The following KLHL38 variants were observed in gnomAD, a reference collection of about 807,000 sequenced individuals.
The protein encoded by KLHL38 is kelch-like protein 38.
KLHL38 carries 38 observed loss-of-function variants against 39.6 expected under a neutral mutation model. That is an observed-to-expected ratio of 0.96 (90% confidence interval 0.74 to 1.26). The LOEUF (loss-of-function observed/expected upper bound fraction) is 1.26, where lower values mean the gene tolerates loss of function less well. Among genes scored for constraint, KLHL38 ranks in the 50% most tolerant of loss-of-function variants. The pLI is 0.00. For missense variants in KLHL38, 803 were observed against 748.1 expected, an observed-to-expected ratio of 1.07 and a Z score of -0.86; for synonymous variants, 322 against 302.2, an observed-to-expected ratio of 1.07 and a Z score of -0.68.
At chr8:123,651,448 A>G in intron 2 of KLHL38, 129 bp downstream of exon 2, 1 of 945,304 alleles carries the variant, frequency 1.1e-6, no homozygotes, top group South Asian at 1.6e-5. Flanking sequence ...GTGTGCATAT[A>G]TATATTTATG....
chr8:123,652,217 G>C lies in KLHL38; in HGVS notation c.710C>G (p.Ala237Gly), dbSNP rs370283775. 4 of 1,614,188 alleles carry C rather than the reference G, an allele frequency of 2.5e-6. No individual in the cohort carries two copies. Residue 237 changes from alanine to glycine, a missense_variant, in exon 2 of 4, where the codon GCC becomes GGC. Physicochemically the swap from Ala to Gly is moderately conservative, Grantham distance 60. Coordinates refer to ENST00000684634, the MANE Select transcript of KLHL38 (RefSeq NM_001081675.3). ...CGAGGACTGCAGGAGGGCATCGTTG[G>C]CGATGAAGTGGTGAAAGAAGGCTGG... The part of the protein sequence containing the change: ...IHPAFFHHFI[A>G]NDALLQSSPA...
In KLHL38 at chr8:123,652,201, C is replaced by A. The variant is rs778558685; in HGVS notation, c.726G>T (p.Leu242=). The A allele has an allele frequency of 6.2e-7, 1 of 1,614,206 alleles. No homozygotes were observed. The highest frequency in any genetic ancestry group is 1.1e-5 in the South Asian group (1 of 91,084). ...TGATCTGGCATGCAGGCGAGGACTG[C>A]AGGAGGGCATCGTTGGCGATGAAGT... The part of the protein sequence containing the change: ...FHHFIANDAL[L]QSSPACQIIL... Residue 242 remains leucine (L), a synonymous_variant, in exon 2 of 4, where the codon CTG becomes CTT. Coordinates refer to ENST00000684634, the MANE Select transcript of KLHL38 (RefSeq NM_001081675.3).
Position 123,652,165 on chromosome 8 carries a change from G to C in KLHL38, c.762C>G (p.Thr254=), listed in dbSNP as rs373627238. The C allele has an allele frequency of 1.2e-6, 2 of 1,614,206 alleles. No homozygotes were observed. The change falls in exon 2 of 4, where the codon ACC becomes ACG. Residue 254 remains threonine, a synonymous_variant. Transcript: ENST00000684634. ...ACAAAGAGAACATCTGTCTCTTGGC[G>C]GTCTCCAAGATGATCTGGCATGCAG... ...SSPACQIILE[T]AKRQMFSLCG... is the part of the protein sequence containing the mutation.
At chr8:123,646,079 G>A in intron 3 of KLHL38, 51 bp from the exon 4 acceptor site, 1 of 1,540,484 alleles carries the variant, frequency 6.5e-7, no homozygotes, top group South Asian at 1.1e-5. Flanking sequence ...ATCTGGGACT[G>A]GAGGTCAGCA....
intron 3 of KLHL38, among the ~76,000 whole-genome samples, chr8:123,646,652 C>T (rs542560347): frequency 5.1e-4 from 78 of 152,270 alleles, no homozygotes; most frequent in Middle Eastern, 3.4e-3. Context: ...GTGCTAAGTG[C>T]TTTAGATACA....
At chr8:123,647,663 A>G (rs150181923) in intron 2 of KLHL38, among the ~76,000 whole-genome samples, 14 of 152,372 alleles carry the variant, frequency 9.2e-5, no homozygotes, top group African/African-American at 3.1e-4. Context: ...TTAGTTCATT[A>G]TGGGCAAAAT....
chr8:123,645,893 AGCC>A lies in KLHL38; in HGVS notation c.1589_1591del (p.Arg530del), dbSNP rs1477493956. 2.5e-6 allele frequency: 4 copies of A among 1,614,084 alleles called. No individual in the cohort carries two copies. The highest frequency in any genetic ancestry group is 1.7e-5 in the Admixed American group (1 of 60,004). ...GTCCTCAATGTTGCAGTCCGTGGTC[AGCC>A]GCCGCCCGCCCGTCACGTAGAGTTT... is the stretch of plus-strand genomic sequence containing the variant. On this transcript the variant is annotated inframe_deletion, in exon 4 of 4. Coordinates refer to ENST00000684634, the MANE Select transcript of KLHL38 (RefSeq NM_001081675.3).
Position 123,645,055 on chromosome 8 carries a change from A to AGAGAGAGG in KLHL38, c.*683_*684insCCTCTCTC, listed in dbSNP as rs112968111. ...GAGACTGAGAGAGAGAGAGAGAGAG[A>AGAGAGAGG]GGGGCAGAGAGAGGCAGAGAGACAG... On this transcript the variant is annotated 3_prime_UTR_variant, in exon 4 of 4. Coordinates refer to ENST00000684634, the MANE Select transcript of KLHL38 (RefSeq NM_001081675.3). Among the ~76,000 whole-genome samples, 22 of 149,662 alleles carry AGAGAGAGG rather than the reference A, an allele frequency of 1.5e-4. No homozygotes were observed. The South Asian group carries it at 1.9e-3, about 13-fold the overall frequency.
At chr8:123,650,987 C>T (rs1812631407) in intron 2 of KLHL38, among the ~76,000 whole-genome samples, 1 of 152,176 alleles carries the variant, frequency 6.6e-6, no homozygotes, top group African/African-American at 2.4e-5. Flanking sequence ...TGTATAATAA[C>T]TTGAATTTTT....
At chr8:123,648,732 C>T (rs1812573344) in intron 2 of KLHL38, among the ~76,000 whole-genome samples, 1 of 152,148 alleles carries the variant, frequency 6.6e-6, no homozygotes, top group Non-Finnish European at 1.5e-5. Context: ...TTGCTTAATG[C>T]CATCCAGAAA....
At position 123,652,227 on chromosome 8, in the gene KLHL38, G is replaced by A. The variant is rs764060753; in HGVS notation, c.700C>T (p.His234Tyr). The A allele has an allele frequency of 1.1e-5, 18 of 1,614,060 alleles. No homozygotes were observed. The highest frequency in any genetic ancestry group is 1.5e-5 in the Non-Finnish European group (18 of 1,180,040). The stretch of plus-strand genomic sequence containing the variant: ...AGGAGGGCATCGTTGGCGATGAAGT[G>A]GTGAAAGAAGGCTGGGTGGATGTAC... ...LQYIHPAFFHHFIANDALLQS... is the reference protein window; with the variant it reads ...LQYIHPAFFHYFIANDALLQS... Residue 234 changes from histidine to tyrosine, a missense_variant, in exon 2 of 4, where the codon CAC becomes TAC. Coordinates refer to ENST00000684634, the MANE Select transcript of KLHL38 (RefSeq NM_001081675.3).
In KLHL38 at chr8:123,649,751, G is replaced by T. The variant is rs1369470923; in HGVS notation, c.1350+1826C>A. Among the ~76,000 whole-genome samples, 10 of 152,260 alleles carry T rather than the reference G, an allele frequency of 6.6e-5. No individual in the cohort carries two copies. The South Asian group carries it at 1.2e-3, about 19-fold the overall frequency. ...AGGGGTTGCGATGTGGGCGGAGGAGGTTGCTCCCGGTAGCCTGAGAAGGGG... is the reference window on the plus strand; with the variant it reads ...AGGGGTTGCGATGTGGGCGGAGGAGTTTGCTCCCGGTAGCCTGAGAAGGGG... On this transcript the variant is annotated intron_variant, in intron 2 of 3. Coordinates refer to ENST00000684634, the MANE Select transcript of KLHL38 (RefSeq NM_001081675.3).
At chr8:123,648,305 C>G (rs1818695754) in intron 2 of KLHL38, among the ~76,000 whole-genome samples, 1 of 152,188 alleles carries the variant, frequency 6.6e-6, no homozygotes, top group South Asian at 2.1e-4. Flanking sequence ...ATGCTCTTCA[C>G]CACCACACTC....
In KLHL38 at chr8:123,651,810, G is replaced by T. The variant is rs371021488; in HGVS notation, c.1117C>A (p.Arg373Ser). The T allele has an allele frequency of 4.3e-6, 7 of 1,613,980 alleles. No homozygotes were observed. The highest frequency in any genetic ancestry group is 4.2e-6 in the Non-Finnish European group (5 of 1,180,050). ...WRLGEPMLVA[R>S]YSHRSTAHKN... ...TGGGCAGTGCTTCTGTGGGAGTAGCGGGCCACCAGCATGGGCTCCCCCAGC... is the reference window on the plus strand; with the variant it reads ...TGGGCAGTGCTTCTGTGGGAGTAGCTGGCCACCAGCATGGGCTCCCCCAGC... The change falls in exon 2 of 4, where the codon CGC (arginine) becomes AGC (serine). Residue 373 changes from arginine to serine, a missense_variant. Coordinates refer to ENST00000684634, the MANE Select transcript of KLHL38 (RefSeq NM_001081675.3).
At chr8:123,649,452 C>T (rs1478404328) in intron 2 of KLHL38, among the ~76,000 whole-genome samples, 3 of 152,142 alleles carry the variant, frequency 2.0e-5, no homozygotes, top group Non-Finnish European at 4.4e-5. Context: ...GCCATCACCA[C>T]CCTTGCCTGG....
intron 2 of KLHL38, among the ~76,000 whole-genome samples, 153 bp from the exon 3 acceptor site, chr8:123,647,167 C>G (rs1006120447): frequency 3.9e-5 from 6 of 152,190 alleles, no homozygotes; most frequent in African/African-American, 1.4e-4. Context: ...ATAAACAAAA[C>G]AGTACTGAAA....
chr8:123,653,374 C>T (rs1812693863), intron 1 of KLHL38, among the ~76,000 whole-genome samples: 1 of 152,038 alleles, frequency 6.6e-6, no homozygotes, highest in Middle Eastern at 3.2e-3. Flanking sequence ...TCAATCATTC[C>T]CCAAGGATGA....
At chr8:123,653,143 C>A (rs945077108) in intron 1 of KLHL38, among the ~76,000 whole-genome samples, 1 of 152,138 alleles carries the variant, frequency 6.6e-6, no homozygotes, top group Non-Finnish European at 1.5e-5. Context: ...TGGTTATTTT[C>A]AAAAGTAATA....
intron 2 of KLHL38, among the ~76,000 whole-genome samples, chr8:123,647,259 A>C (rs1379757956): frequency 1.3e-5 from 2 of 152,234 alleles, no homozygotes; most frequent in Non-Finnish European, 2.9e-5. Context: ...AGAATAGATC[A>C]AGAGTTTTGC....
Sources: gnomAD v4.1 joint callset for allele counts (sites outside exome capture counted in the v4.1 genomes callset) on GRCh38, gnomAD v4.1.1 for gene constraint, MANE v1.5 for transcripts, NCBI Gene and HGNC (gene_info 2026-07-23, HGNC 2026-07-21) for gene names.